UBA52: variants seen among roughly 807,000 people sequenced by gnomAD.
The protein encoded by UBA52 is ubiquitin-ribosomal protein eL40 fusion protein.
A neutral mutation model predicts 15.3 loss-of-function variants in UBA52; 1 was observed. The observed-to-expected ratio is 0.07, with a 90% CI of 0.02 to 0.31. UBA52 has a LOEUF of 0.31. Ranked by LOEUF, UBA52 falls within the 10% of genes least tolerant of loss-of-function variation. UBA52 has a pLI of 1.00. For missense variants in UBA52, 87 were observed against 168.0 expected (o/e 0.52, Z 2.66); for synonymous variants, 50 against 58.3 (o/e 0.86, Z 0.65).
In UBA52 at chr19:18,575,539, G is replaced by A. The variant is rs933158617; in HGVS notation, c.*389G>A. 1 of 256,574 alleles carries A rather than the reference G, an allele frequency of 3.9e-6. No individual in the cohort carries two copies. Among genetic ancestry groups the A allele is most frequent in the East Asian group, 9.8e-5 (1 of 10,220 alleles). 15.9% of individuals were successfully genotyped at this position (256,574 alleles called of 1,614,324 possible). ...TTGGCCCTGAAGTGTCTAGGTGTGT[G>A]GAGATGGGTAGAAAATTAGGTACAC... On this transcript the variant is annotated 3_prime_UTR_variant, in exon 5 of 5. Transcript: ENST00000442744.
the UBA52 span, chr19:18,565,097 T>C: frequency 1.3e-6 from 2 of 1,573,358 alleles, no homozygotes; most frequent in African/African-American, 2.7e-5. Flanking sequence ...TTCCTTCACA[T>C]ACCAGGGTAA....
upstream of UBA52, chr19:18,567,285 G>T: frequency 8.6e-7 from 1 of 1,168,614 alleles, no homozygotes. Flanking sequence ...AGGCTGTAAT[G>T]GGCAGTGGGT....
At chr19:18,573,073 T>C (rs929811442) in intron 1 of UBA52, 2 of 1,303,912 alleles carry the variant, frequency 1.5e-6, no homozygotes, top group Non-Finnish European at 2.0e-6. Context: ...GTGGAGGACA[T>C]GTGGTCTTTA....
chr19:18,570,902 G>A (rs541317550), upstream of UBA52, among the ~76,000 whole-genome samples: 9 of 151,126 alleles, frequency 6.0e-5, no homozygotes, highest in South Asian at 2.1e-4. Context: ...GGTCAGGCTC[G>A]TCTCGAACTC....
the UBA52 span, chr19:18,564,740 C>A: frequency 9.7e-7 from 1 of 1,028,620 alleles, no homozygotes; most frequent in Non-Finnish European, 1.5e-6. Flanking sequence ...TAGAACTCTG[C>A]AGGACAAGGG....
chr19:18,568,310 A>T, upstream of UBA52: 3 of 829,986 alleles, frequency 3.6e-6, no homozygotes, highest in Non-Finnish European at 6.0e-6. Flanking sequence ...CCATGGGGTG[A>T]GGGCAGCCGT....
At chr19:18,567,084 C>T, upstream of UBA52, 1 of 1,586,266 alleles carries the variant, frequency 6.3e-7, no homozygotes, top group South Asian at 1.1e-5. Flanking sequence ...CCAGGCCCAG[C>T]CTACCTGCTC....
At chr19:18,570,563 G>A (rs1274595903), upstream of UBA52, among the ~76,000 whole-genome samples, 3 of 145,846 alleles carry the variant, frequency 2.1e-5, no homozygotes, top group African/African-American at 7.8e-5. Context: ...CCCAGGCTGG[G>A]TGCAGTGGCG....
Position 18,577,327 on chromosome 19 carries a change from A to G in UBA52, c.*2177A>G, listed in dbSNP as rs1975828926. 6.6e-6 allele frequency: 1 copy of G among 152,182 alleles called. No homozygotes were observed. Among genetic ancestry groups the G allele is most frequent in the Non-Finnish European group, 1.5e-5 (1 of 68,040 alleles). 9.4% of individuals were successfully genotyped at this position (152,182 alleles called of 1,614,324 possible). On this transcript the variant is annotated 3_prime_UTR_variant, in exon 5 of 5. Coordinates refer to ENST00000442744, the MANE Select transcript of UBA52 (RefSeq NM_001033930.3). ...AAGGAAGAACCACTCTTAATGGACA[A>G]AAAGAAAGAAAGGGGAGGGAGTAAC...
Position 18,575,124 on chromosome 19 carries a change from C to T in UBA52, c.361C>T (p.Leu121=), listed in dbSNP as rs758662293. 138 of 1,614,080 alleles carry T rather than the reference C, an allele frequency of 8.5e-5. No homozygotes were observed. The highest frequency in any genetic ancestry group is 1.1e-4 in the Non-Finnish European group (133 of 1,180,042). The change falls in exon 5 of 5, where the codon CTG becomes TTG. Residue 121 remains leucine, a synonymous_variant. Coordinates refer to ENST00000442744, the MANE Select transcript of UBA52 (RefSeq NM_001033930.3). ...RKKKCGHTNN[L]RPKKKVK is the part of the protein sequence containing the mutation. The stretch of plus-strand genomic sequence containing the variant: ...GAAGAAGTGTGGTCACACCAACAAC[C>T]TGCGTCCCAAGAAGAAGGTCAAATA...
At chr19:18,568,128 G>A (rs1450130066), upstream of UBA52, among the ~76,000 whole-genome samples, 4 of 152,038 alleles carry the variant, frequency 2.6e-5, no homozygotes, top group African/African-American at 7.2e-5. Context: ...TTAGATGGGC[G>A]TGATGATGGG....
At chr19:18,570,665 C>T (rs748064253), upstream of UBA52, among the ~76,000 whole-genome samples, 2 of 151,542 alleles carry the variant, frequency 1.3e-5, no homozygotes, top group Non-Finnish European at 2.9e-5. Flanking sequence ...GCACCCGCCA[C>T]CACACCTGAA....
chr19:18,565,849 A>C, the UBA52 span, among the ~76,000 whole-genome samples: 7 of 152,052 alleles, frequency 4.6e-5, no homozygotes, highest in African/African-American at 1.7e-4. Context: ...TGCCACGCCC[A>C]GCTGATTTTT....
chr19:18,565,274 G>C, the UBA52 span: 1 of 1,080,016 alleles, frequency 9.3e-7, no homozygotes, highest in Admixed American at 3.4e-5. Flanking sequence ...CTGTTGCCCA[G>C]GCTGGAGTGC....
In UBA52 at chr19:18,574,836, G is replaced by T. The variant is rs773014513; in HGVS notation, c.191-34G>T. 1.9e-6 allele frequency: 3 copies of T among 1,609,216 alleles called. No individual in the cohort carries two copies. The East Asian group carries it at 6.7e-5, about 36-fold the overall frequency. On this transcript the variant is annotated intron_variant, in intron 3 of 4. Transcript: ENST00000442744. The stretch of plus-strand genomic sequence containing the variant: ...CCTGTGACTGAGGAGCCAGGGCTGG[G>T]CTCAGTCGCCGTCCTTCTGGCTGTC...
At chr19:18,572,779 GGGTGCTCCAGCTT>G in intron 1 of UBA52, 1 of 1,002,488 alleles carries the variant, frequency 1.0e-6, no homozygotes, top group African/African-American at 1.7e-5. Context: ...TAAGAGTGTT[GGGTGCTCCAGCTT>G]GGAGTTAGAG....
At position 18,576,783 on chromosome 19, in the gene UBA52, T is replaced by C. The variant is rs1390355076; in HGVS notation, c.*1633T>C. On this transcript the variant is annotated 3_prime_UTR_variant, in exon 5 of 5. Transcript: ENST00000442744. ...TTCAAGCGATTCTCCTTTCTCAGCC[T>C]CTTGAGTAGCTGGAATTACCAGTGT... 2.0e-5 allele frequency: 3 copies of C among 151,222 alleles called. No homozygotes were observed. The highest frequency in any genetic ancestry group is 4.4e-5 in the Non-Finnish European group (3 of 67,904). The allele number at this position is 151,222 out of a possible 1,614,324, so 9.4% of individuals were successfully genotyped here.
At chr19:18,564,847 C>T in the UBA52 span, 1 of 1,612,676 alleles carries the variant, frequency 6.2e-7, no homozygotes, top group Non-Finnish European at 8.5e-7. Flanking sequence ...CAGTGAAGCT[C>T]ATGCCCTCTC....
chr19:18,568,487 G>A, upstream of UBA52: 1 of 1,614,100 alleles, frequency 6.2e-7, no homozygotes, highest in Non-Finnish European at 8.5e-7. Flanking sequence ...CCTCAGAACA[G>A]AGCACGGGCT....
Sources: gnomAD v4.1 joint callset for allele counts (sites outside exome capture counted in the v4.1 genomes callset) on GRCh38, gnomAD v4.1.1 for gene constraint, MANE v1.5 for transcripts, NCBI Gene and HGNC (gene_info 2026-07-23, HGNC 2026-07-21) for gene names.